Variants in PLXDC2 observed in about 807,000 individuals in gnomAD.
The protein encoded by PLXDC2 is plexin domain containing 2, also known as plexin domain-containing protein 2.
Under a neutral mutation model 68.9 loss-of-function variants are expected in PLXDC2, and 40 were observed. The ratio of observed to expected loss-of-function variants is 0.58; its 90% CI spans 0.45 to 0.76. PLXDC2 has a LOEUF of 0.76. PLXDC2 is among the 30% of genes least tolerant of loss of function. PLXDC2 has a pLI of 0.00. For missense variants in PLXDC2, 644 were observed against 661.9 expected, an observed-to-expected ratio of 0.97 and a Z score of 0.30; for synonymous variants, 243 against 234.2, an observed-to-expected ratio of 1.04 and a Z score of -0.34.
intron 6 of PLXDC2, among the ~76,000 whole-genome samples, chr10:20,153,391 G>T (rs546467676): frequency 5.9e-5 from 9 of 152,328 alleles, no homozygotes; most frequent in Non-Finnish European, 8.8e-5. Flanking sequence ...GATGGGAAAA[G>T]TGTTGTTGGG....
chr10:20,101,671 G>A (rs897068711), intron 4 of PLXDC2, among the ~76,000 whole-genome samples: 6 of 152,072 alleles, frequency 3.9e-5, no homozygotes, highest in African/African-American at 1.4e-4. Flanking sequence ...AAATCTTAAG[G>A]CCATTGACTG....
At chr10:20,072,527 G>GAAAC (rs1246407787) in intron 4 of PLXDC2, among the ~76,000 whole-genome samples, 3 of 104,532 alleles carry the variant, frequency 2.9e-5, no homozygotes, top group Non-Finnish European at 5.0e-5. Context: ...AAGAAAGAAA[G>GAAAC]AAAGAAAGAA....
chr10:20,172,857 G>A (rs1264635540), intron 7 of PLXDC2, among the ~76,000 whole-genome samples: 1 of 152,114 alleles, frequency 6.6e-6, no homozygotes, highest in Non-Finnish European at 1.5e-5. Flanking sequence ...AAATCTAAAA[G>A]GCTTAAATTA....
intron 10 of PLXDC2, among the ~76,000 whole-genome samples, chr10:20,215,713 C>T (rs573846567): frequency 1.3e-5 from 2 of 152,126 alleles, no homozygotes; most frequent in African/African-American, 4.8e-5. Context: ...AAGGAAAGGT[C>T]CCCATCCATT....
intron 13 of PLXDC2, among the ~76,000 whole-genome samples, chr10:20,251,055 G>A (rs1475667): frequency 0.88 from 133,356 of 152,228 alleles, 58,919 homozygotes; most frequent in Middle Eastern, 0.95. Flanking sequence ...TGAATTAACT[G>A]TATACATCCC....
chr10:19,846,441 C>G (rs1837011731), intron 1 of PLXDC2, among the ~76,000 whole-genome samples: 1 of 152,014 alleles, frequency 6.6e-6, no homozygotes, highest in Non-Finnish European at 1.5e-5. Context: ...AATGAATGAC[C>G]CTTTGGTTTT....
intron 3 of PLXDC2, among the ~76,000 whole-genome samples, chr10:20,052,666 T>C (rs1835923416): frequency 7.0e-6 from 1 of 142,916 alleles, no homozygotes; most frequent in South Asian, 2.1e-4. Flanking sequence ...TCGAATCTTA[T>C]CAGCAGTTCA....
intron 1 of PLXDC2, among the ~76,000 whole-genome samples, chr10:19,981,477 G>A (rs1259321689): frequency 1.3e-5 from 2 of 152,156 alleles, no homozygotes; most frequent in Non-Finnish European, 2.9e-5. Context: ...TCATTCCGTT[G>A]GAGATGATGG....
rs116914843 is a variant in PLXDC2 at position 19,839,822 on chromosome 10, T to G, written c.112+22631T>G. 2.8e-3 allele frequency among the ~76,000 whole-genome samples: 430 copies of G among 152,278 alleles called. 9 individuals are homozygous for G. The East Asian group carries it at 0.053, about 19-fold the overall frequency. On this transcript the variant is annotated intron_variant, in intron 1 of 13. Coordinates refer to ENST00000377252, the MANE Select transcript of PLXDC2 (RefSeq NM_032812.9). ...GCATACATCCATTTACTTTCTTGCT[T>G]CCTGTTAAGGTTACATATGTATTAA...
intron 4 of PLXDC2, among the ~76,000 whole-genome samples, chr10:20,069,079 A>G (rs1398189382): frequency 2.0e-5 from 3 of 152,204 alleles, no homozygotes; most frequent in African/African-American, 7.2e-5. Context: ...TGCCCAAAGC[A>G]CCATAGACAG....
chr10:20,018,328 A>G (rs1298377315), intron 2 of PLXDC2, among the ~76,000 whole-genome samples: 4 of 152,206 alleles, frequency 2.6e-5, no homozygotes, highest in Non-Finnish European at 5.9e-5. Flanking sequence ...AGTAAGATAT[A>G]TGATTCTTGG....
chr10:20,169,952 A>G (rs1834425538), intron 7 of PLXDC2, among the ~76,000 whole-genome samples: 1 of 152,310 alleles, frequency 6.6e-6, no homozygotes, highest in East Asian at 1.9e-4. Context: ...GCCTCTTCGT[A>G]TCAGTATCTA....
intron 7 of PLXDC2, among the ~76,000 whole-genome samples, chr10:20,171,145 C>A (rs556272422): frequency 6.6e-6 from 1 of 152,040 alleles, no homozygotes; most frequent in South Asian, 2.1e-4. Flanking sequence ...ACGAAAAATA[C>A]AAATAATCTT....
chr10:20,194,629 A>T (rs1834813121), intron 9 of PLXDC2, among the ~76,000 whole-genome samples: 1 of 151,566 alleles, frequency 6.6e-6, no homozygotes, highest in African/African-American at 2.4e-5. Flanking sequence ...TTTTGAGGTA[A>T]ATTTATTTTA....
chr10:20,149,982 A>G (rs1834131582), intron 6 of PLXDC2, among the ~76,000 whole-genome samples: 1 of 152,158 alleles, frequency 6.6e-6, no homozygotes, highest in South Asian at 2.1e-4. Context: ...ATGATGCAGA[A>G]AATACACAGA....
intron 5 of PLXDC2, among the ~76,000 whole-genome samples, chr10:20,145,840 A>G: frequency 6.6e-6 from 1 of 152,168 alleles, no homozygotes; most frequent in Admixed American, 6.5e-5. Context: ...GTTGTGAGCC[A>G]CCGCACCTGG....
chr10:19,878,760 T>A (rs971313908), intron 1 of PLXDC2, among the ~76,000 whole-genome samples: 1 of 152,236 alleles, frequency 6.6e-6, no homozygotes, highest in African/African-American at 2.4e-5. Flanking sequence ...TGTGTCTTTT[T>A]TCCACTAACA....
chr10:20,177,630 A>G (rs537901904), intron 9 of PLXDC2, among the ~76,000 whole-genome samples: 46 of 152,038 alleles, frequency 3.0e-4, no homozygotes, highest in African/African-American at 7.7e-4. Flanking sequence ...TTAACTGGGC[A>G]TGGCAGGTGC....
At chr10:20,129,734 T>C (rs891059320) in intron 4 of PLXDC2, among the ~76,000 whole-genome samples, 2 of 152,108 alleles carry the variant, frequency 1.3e-5, no homozygotes, top group Admixed American at 6.6e-5. Flanking sequence ...TACTTGCGGA[T>C]ATCTAGTTTT....
Sources: gnomAD v4.1 joint callset for allele counts (sites outside exome capture counted in the v4.1 genomes callset) on GRCh38, gnomAD v4.1.1 for gene constraint, MANE v1.5 for transcripts, NCBI Gene and HGNC (gene_info 2026-07-23, HGNC 2026-07-21) for gene names.